STAP1: variants seen among roughly 807,000 people sequenced by gnomAD.
The protein encoded by STAP1 is signal transducing adaptor family member 1, also known as signal-transducing adaptor protein 1.
Under a neutral mutation model 37.8 loss-of-function variants are expected in STAP1, and 30 were observed. The ratio of observed to expected loss-of-function variants is 0.79; its 90% CI spans 0.59 to 1.08. STAP1 has a LOEUF of 1.08. Among genes scored for constraint, STAP1 ranks in the 50% least tolerant of loss-of-function variants. STAP1 has a pLI of 0.00. For missense variants in STAP1, 357 were observed against 349.4 expected, an observed-to-expected ratio of 1.02 and a Z score of -0.17; for synonymous variants, 130 against 116.0, an observed-to-expected ratio of 1.12 and a Z score of -0.78.
At chr4:67,567,756 A>G (rs1455478347) in intron 1 of STAP1, among the ~76,000 whole-genome samples, 1 of 152,154 alleles carries the variant, frequency 6.6e-6, no homozygotes, top group Non-Finnish European at 1.5e-5. Flanking sequence ...CTGACTGGAT[A>G]AAAGAATGGA....
chr4:67,577,268 CT>C lies in STAP1; in HGVS notation c.363+10del. The C allele has an allele frequency of 6.3e-7, 1 of 1,597,906 alleles. No individual in the cohort carries two copies. Among genetic ancestry groups the C allele is most frequent in the South Asian group, 1.2e-5 (1 of 86,016 alleles). On this transcript the variant is annotated intron_variant, in intron 4 of 8. Coordinates refer to ENST00000265404, the MANE Select transcript of STAP1 (RefSeq NM_012108.4). ...TTCTTACAGTAACAGAGGTAGGAAG[CT>C]CACTGCTTTTGATTGATTCTTTTTT...
Position 67,577,274 on chromosome 4 carries a change from GC to G in STAP1, c.363+16del, listed in dbSNP as rs1342132860. On this transcript the variant is annotated intron_variant, in intron 4 of 8. Transcript: ENST00000265404. Reference sequence around the variant, plus strand: ...CAGTAACAGAGGTAGGAAGCTCACTGCTTTTGATTGATTCTTTTTTTTTTTC... The same window carrying G: ...CAGTAACAGAGGTAGGAAGCTCACTGTTTTGATTGATTCTTTTTTTTTTTC... The G allele has an allele frequency of 1.2e-5, 19 of 1,590,308 alleles. No homozygotes were observed. Among genetic ancestry groups the G allele is most frequent in the Non-Finnish European group, 1.5e-5 (18 of 1,170,798 alleles).
chr4:67,564,275 CT>C (rs761604783), intron 1 of STAP1, among the ~76,000 whole-genome samples: 1 of 152,146 alleles, frequency 6.6e-6, no homozygotes, highest in Non-Finnish European at 1.5e-5. Context: ...TTTATACTTG[CT>C]TTTCCCCCCA....
chr4:67,602,440 A>T (rs1396496427), intron 8 of STAP1, among the ~76,000 whole-genome samples: 1 of 152,166 alleles, frequency 6.6e-6, no homozygotes, highest in Non-Finnish European at 1.5e-5. Flanking sequence ...TTAGGTACTT[A>T]ATCTAGTCTT....
At chr4:67,564,034 G>A (rs992066313) in intron 1 of STAP1, among the ~76,000 whole-genome samples, 1 of 151,496 alleles carries the variant, frequency 6.6e-6, no homozygotes, top group African/African-American at 2.4e-5. Context: ...GATATGAATA[G>A]GTACCTAGAT....
At chr4:67,574,507 T>C (rs761303989) in intron 2 of STAP1, among the ~76,000 whole-genome samples, 8 of 152,188 alleles carry the variant, frequency 5.3e-5, no homozygotes, top group Non-Finnish European at 1.0e-4. Context: ...AGATAATAGT[T>C]TTTGAATTCT....
rs753070295 is a variant in STAP1, at chr4:67,577,156, C to T, written c.307-47C>T. 4.7e-5 allele frequency: 71 copies of T among 1,521,368 alleles called. 1 individual carries two copies. The East Asian group carries it at 1.1e-3, about 24-fold the overall frequency. The allele number at this position is 1,521,368 out of a possible 1,614,324, so 94.2% of individuals were successfully genotyped here. ...ATTATTTATTTTATGCTCAATCACT[C>T]ATGTATTTCCTTCTTTGGCTTTATC... On this transcript the variant is annotated intron_variant, in intron 3 of 8. Transcript: ENST00000265404.
At chr4:67,583,445 T>C in intron 5 of STAP1, 129 bp from the exon 6 acceptor site, 1 of 933,048 alleles carries the variant, frequency 1.1e-6, no homozygotes, top group Non-Finnish European at 1.6e-6. Flanking sequence ...ATAATTGGAA[T>C]AATCAAACCG....
Position 67,571,083 on chromosome 4 carries a change from G to A in STAP1, c.121-1G>A. 1 of 1,609,436 alleles carries A rather than the reference G, an allele frequency of 6.2e-7. No individual in the cohort carries two copies. The highest frequency in any genetic ancestry group is 8.5e-7 in the Non-Finnish European group (1 of 1,176,260). On this transcript the variant is annotated splice_acceptor_variant, in intron 1 of 8. Coordinates refer to ENST00000265404, the MANE Select transcript of STAP1 (RefSeq NM_012108.4). LOFTEE classifies it high-confidence loss of function. ...TAATGTTTATGGTTTCTTTCCCACA[G>A]GAGTATGAGCATTACTGGACAGAGT...
intron 8 of STAP1, among the ~76,000 whole-genome samples, chr4:67,601,308 T>C (rs966463061): frequency 6.6e-6 from 1 of 152,216 alleles, no homozygotes; most frequent in Non-Finnish European, 1.5e-5. Context: ...TATCTTCTTA[T>C]ACTGTCTATG....
rs757933476 is a variant in STAP1 at position 67,558,827 on chromosome 4, C to T, written c.18C>T (p.Pro6=). ...AGAGGGGTATGATGGCTAAGAAGCC[C>T]CCAAAACCAGCCCCTCGCAGGATCT... MMAKK[P]PKPAPRRIFQ... Residue 6 remains proline (P), a synonymous_variant, in exon 1 of 9, where the codon CCC becomes CCT. Coordinates refer to ENST00000265404, the MANE Select transcript of STAP1 (RefSeq NM_012108.4). The T allele has an allele frequency of 9.3e-6, 15 of 1,612,850 alleles. No individual in the cohort carries two copies. In the Admixed American group the frequency reaches 1.3e-4, roughly 14 times the overall value.
intron 2 of STAP1, among the ~76,000 whole-genome samples, chr4:67,571,617 G>C (rs1411640130): frequency 6.6e-6 from 1 of 152,112 alleles, no homozygotes; most frequent in Middle Eastern, 3.2e-3. Context: ...ACTTCTAAAG[G>C]CTTAAACATG....
chr4:67,584,549 T>C (rs1462238996), intron 6 of STAP1, among the ~76,000 whole-genome samples: 1 of 152,186 alleles, frequency 6.6e-6, no homozygotes, highest in Non-Finnish European at 1.5e-5. Flanking sequence ...TTATGGTTGC[T>C]ATTGTTTTAA....
chr4:67,581,281 G>T (rs779733308), intron 4 of STAP1, 24 bp from the exon 5 acceptor site: 13 of 1,604,284 alleles, frequency 8.1e-6, no homozygotes, highest in East Asian at 2.2e-5. Flanking sequence ...TTTCTTGCCT[G>T]CCTACTCTTT....
chr4:67,590,425 G>A (rs1032849651), intron 6 of STAP1, among the ~76,000 whole-genome samples: 5 of 152,028 alleles, frequency 3.3e-5, no homozygotes, highest in African/African-American at 1.2e-4. Context: ...GCTATTGAGG[G>A]GTTTCTGGTT....
At chr4:67,569,649 A>G (rs1446606096) in intron 1 of STAP1, among the ~76,000 whole-genome samples, 1 of 152,074 alleles carries the variant, frequency 6.6e-6, no homozygotes, top group African/African-American at 2.4e-5. Context: ...GTTTAAAACT[A>G]AGACACACAT....
chr4:67,587,616 G>A (rs145705951), intron 6 of STAP1, among the ~76,000 whole-genome samples: 2 of 152,216 alleles, frequency 1.3e-5, no homozygotes, highest in East Asian at 3.9e-4. Context: ...TAAGGAAGCA[G>A]TAGGAAATAT....
intron 6 of STAP1, among the ~76,000 whole-genome samples, chr4:67,586,237 T>C (rs551064066): frequency 6.6e-6 from 1 of 152,266 alleles, no homozygotes; most frequent in Admixed American, 6.5e-5. Flanking sequence ...AGCAGGTGGA[T>C]CATGAGGTCA....
chr4:67,560,334 A>G (rs1727305723), intron 1 of STAP1, among the ~76,000 whole-genome samples: 1 of 152,182 alleles, frequency 6.6e-6, no homozygotes, highest in Non-Finnish European at 1.5e-5. Flanking sequence ...ACTACTTGCT[A>G]CTTGCCTCCT....
Sources: allele counts gnomAD v4.1 joint callset (sites outside exome capture counted in the v4.1 genomes callset), GRCh38; gene constraint gnomAD v4.1.1; transcripts MANE v1.5; gene names NCBI Gene and HGNC (gene_info 2026-07-23, HGNC 2026-07-21).